BNC2: variants seen among roughly 807,000 people sequenced by gnomAD.
BNC2 encodes zinc finger protein basonuclin-2.
Under a neutral mutation model 76.3 loss-of-function variants are expected in BNC2, and 20 were observed. The ratio of observed to expected loss-of-function variants is 0.26; its 90% CI spans 0.18 to 0.38. The LOEUF (loss-of-function observed/expected upper bound fraction) is 0.38. Ranked by LOEUF, BNC2 falls within the 10% of genes least tolerant of loss-of-function variation. BNC2 has a pLI of 1.00. For missense variants in BNC2, 1,382 were observed against 1,399.8 expected (o/e 0.99, Z 0.20); for synonymous variants, 582 against 514.8 (o/e 1.13, Z -1.77).
intron 1 of BNC2, among the ~76,000 whole-genome samples, chr9:16,865,970 T>C (rs1191943724): frequency 6.6e-6 from 1 of 152,160 alleles, no homozygotes; most frequent in Non-Finnish European, 1.5e-5. Flanking sequence ...AAGACTTTTA[T>C]TGGCTAGCAA....
chr9:16,837,313 G>A (rs2136066530), intron 1 of BNC2, among the ~76,000 whole-genome samples: 1 of 152,270 alleles, frequency 6.6e-6, no homozygotes, highest in Non-Finnish European at 1.5e-5. Flanking sequence ...AGACCAGCCT[G>A]GCCAACATAG....
chr9:16,568,270 G>C (rs1195047091), intron 4 of BNC2, among the ~76,000 whole-genome samples: 3 of 152,096 alleles, frequency 2.0e-5, no homozygotes, highest in African/African-American at 7.2e-5. Context: ...ATTACTTTAA[G>C]AGTTCTAAAA....
intron 1 of BNC2, among the ~76,000 whole-genome samples, chr9:16,797,762 C>G (rs1170427636): frequency 6.6e-6 from 1 of 152,002 alleles, no homozygotes; most frequent in African/African-American, 2.4e-5. Flanking sequence ...AGTCACATAT[C>G]CCCACCAAAA....
intron 3 of BNC2, among the ~76,000 whole-genome samples, chr9:16,635,624 A>AGAT (rs1436535241): frequency 2.0e-5 from 3 of 152,212 alleles, no homozygotes; most frequent in Non-Finnish European, 4.4e-5. Flanking sequence ...TGTATGCAAA[A>AGAT]GATATAATTA....
At chr9:16,526,215 A>G (rs1340872141) in intron 5 of BNC2, among the ~76,000 whole-genome samples, 1 of 152,076 alleles carries the variant, frequency 6.6e-6, no homozygotes, top group African/African-American at 2.4e-5. Flanking sequence ...ATATGTATGT[A>G]TATGTGGCAT....
intron 1 of BNC2, among the ~76,000 whole-genome samples, chr9:16,760,712 T>A (rs187272328): frequency 6.6e-6 from 1 of 151,902 alleles, no homozygotes; most frequent in African/African-American, 2.4e-5. Context: ...GTCCAATGAG[T>A]CATTTGTGAA....
chr9:16,667,276 G>C (rs940327750), intron 3 of BNC2, among the ~76,000 whole-genome samples: 4 of 152,186 alleles, frequency 2.6e-5, no homozygotes, highest in African/African-American at 9.6e-5. Flanking sequence ...TTGGAGTGCT[G>C]TCTATGTTTA....
At chr9:16,870,567 G>A (rs908913985) in intron 1 of BNC2, 79 bp downstream of exon 1, 3 of 1,541,728 alleles carry the variant, frequency 1.9e-6, no homozygotes, top group Admixed American at 1.8e-5. Context: ...CCCCCGGGCG[G>A]CCCCGGTGGC....
intron 3 of BNC2, among the ~76,000 whole-genome samples, chr9:16,588,880 T>C (rs1034109445): frequency 6.6e-6 from 1 of 152,180 alleles, no homozygotes; most frequent in Non-Finnish European, 1.5e-5. Context: ...TCAGTAAATA[T>C]ATAGGGTACT....
intron 4 of BNC2, among the ~76,000 whole-genome samples, chr9:16,573,049 G>T (rs7859971): frequency 4.6e-5 from 7 of 151,650 alleles, no homozygotes; most frequent in African/African-American, 1.7e-4. Flanking sequence ...GCAACAAGAC[G>T]AAACCCTATC....
chr9:16,816,941 C>G (rs769220783), intron 1 of BNC2, among the ~76,000 whole-genome samples: 9 of 152,148 alleles, frequency 5.9e-5, no homozygotes, highest in Non-Finnish European at 5.9e-5. Flanking sequence ...TAGGACTCCC[C>G]AAAGTTTAGA....
intron 1 of BNC2, among the ~76,000 whole-genome samples, chr9:16,853,134 T>C (rs1043017524): frequency 3.3e-5 from 5 of 152,148 alleles, no homozygotes; most frequent in Non-Finnish European, 5.9e-5. Context: ...AATAGTATTC[T>C]GGGCAGGATA....
chr9:16,475,690 C>T (rs1170407363), intron 5 of BNC2, among the ~76,000 whole-genome samples: 1 of 152,154 alleles, frequency 6.6e-6, no homozygotes, highest in African/African-American at 2.4e-5. Context: ...TTCCTCCATA[C>T]AATTCAGATT....
At chr9:16,738,860 A>G (rs1465400647) in intron 1 of BNC2, among the ~76,000 whole-genome samples, 2 of 130,984 alleles carry the variant, frequency 1.5e-5, no homozygotes, top group East Asian at 2.4e-4. Flanking sequence ...CTTGCCAAGT[A>G]TAAGAAGCTG....
At chr9:16,446,195 T>A (rs1410308041) in intron 5 of BNC2, among the ~76,000 whole-genome samples, 2 of 152,166 alleles carry the variant, frequency 1.3e-5, no homozygotes, top group Non-Finnish European at 2.9e-5. Flanking sequence ...TCACTCTTAT[T>A]ATATACTACT....
chr9:16,582,892 G>GACACACACACACACACACAC (rs149223772), intron 4 of BNC2, 91 bp downstream of exon 4: 3 of 626,976 alleles, frequency 4.8e-6, no homozygotes, highest in Admixed American at 4.5e-5. Flanking sequence ...CCTCTAAACA[G>GACACACACACACACACACAC]ACACACACAC....
intron 6 of BNC2, among the ~76,000 whole-genome samples, chr9:16,428,758 TA>T (rs1820849176): frequency 6.6e-6 from 1 of 152,138 alleles, no homozygotes; most frequent in Non-Finnish European, 1.5e-5. Flanking sequence ...CCCTAGTTAA[TA>T]AAAGAAGTAA....
Position 16,844,387 on chromosome 9 carries a change from G to C in BNC2, c.3+26259C>G, listed in dbSNP as rs1349415158. 4.7e-5 allele frequency among the ~76,000 whole-genome samples: 7 copies of C among 149,316 alleles called. No individual in the cohort carries two copies. In the East Asian group the frequency reaches 9.8e-4, roughly 21 times the overall value. ...GAAGTAGAATTCAGTGTTCAATCAA[G>C]TACACACCTTAAAAAAAATCAACAT... On this transcript the variant is annotated intron_variant, in intron 1 of 6. Coordinates refer to ENST00000380672, the MANE Select transcript of BNC2 (RefSeq NM_017637.6).
chr9:16,443,858 C>T (rs1003246142), intron 5 of BNC2, among the ~76,000 whole-genome samples: 1 of 152,194 alleles, frequency 6.6e-6, no homozygotes, highest in African/African-American at 2.4e-5. Context: ...TAAAGCAACA[C>T]TAGGGAACTT....
Sources: gnomAD v4.1 joint callset for allele counts (sites outside exome capture counted in the v4.1 genomes callset) on GRCh38, gnomAD v4.1.1 for gene constraint, MANE v1.5 for transcripts, NCBI Gene and HGNC (gene_info 2026-07-23, HGNC 2026-07-21) for gene names.